STX12: variants seen among roughly 807,000 people sequenced by gnomAD.
STX12 encodes the protein syntaxin 12, also known as syntaxin-12.
In STX12, 17 loss-of-function variants were observed where a neutral mutation model predicts 42.2. The ratio of observed to expected loss-of-function variants is 0.40; its 90% CI spans 0.28 to 0.60. The LOEUF is 0.60. Among genes scored for constraint, STX12 ranks in the 20% least tolerant of loss-of-function variants. The pLI, the probability that STX12 is intolerant of heterozygous loss-of-function variation, is 0.39. For synonymous variants in STX12, 108 were observed against 116.7 expected (o/e 0.93, Z 0.48); for missense variants, 297 against 330.9 (o/e 0.90, Z 0.79).
Position 27,822,271 on chromosome 1 carries a change from T to C in STX12, c.773T>C (p.Leu258Pro). Residue 258 changes from leucine (L) to proline (P), a missense_variant, in exon 9 of 9, where the codon CTG (leucine) becomes CCG (proline). Transcript: ENST00000373943. ...RKKMCILVLV[L>P]SVIILILGLI... ...AAGATGTGTATCCTGGTGCTTGTCC[T>C]GTCAGTGATTATTCTAATCTTGGGA... 6.2e-7 allele frequency: 1 copy of C among 1,613,868 alleles called. No homozygotes were observed. The highest frequency in any genetic ancestry group is 1.1e-5 in the South Asian group (1 of 91,072).
chr1:27,780,085 C>T (rs2088657649), intron 1 of STX12, among the ~76,000 whole-genome samples: 1 of 151,756 alleles, frequency 6.6e-6, no homozygotes, highest in Non-Finnish European at 1.5e-5. Flanking sequence ...GTCACTGCGT[C>T]CGCCCTTTGG....
chr1:27,774,631 T>C (rs949949687), intron 1 of STX12, among the ~76,000 whole-genome samples: 1 of 152,158 alleles, frequency 6.6e-6, no homozygotes, highest in African/African-American at 2.4e-5. Flanking sequence ...AGTGCTGGGA[T>C]TACAGGCGTG....
intron 6 of STX12, among the ~76,000 whole-genome samples, chr1:27,812,854 A>G (rs1403183063): frequency 6.6e-6 from 1 of 152,160 alleles, no homozygotes; most frequent in Non-Finnish European, 1.5e-5. Context: ...AGAAATGTAC[A>G]TGGAGAACAG....
At position 27,817,236 on chromosome 1, in the gene STX12, T is replaced by C. The variant is rs547759152; in HGVS notation, c.577-615T>C. Among the ~76,000 whole-genome samples, 51 of 152,338 alleles carry C rather than the reference T, an allele frequency of 3.3e-4. 1 individual carries two copies. Among genetic ancestry groups the C allele is most frequent in the African/African-American group, 1.2e-3 (49 of 41,578 alleles). On this transcript the variant is annotated intron_variant, in intron 6 of 8. Transcript: ENST00000373943. ...TGAGCTGATTTGTGTTTACCTTCTT[T>C]GATCAGAGCAGTAAATAGGTTGTAG...
In STX12 at chr1:27,797,249, G is replaced by T. The variant is rs1236232441; in HGVS notation, c.288+3617G>T. On this transcript the variant is annotated intron_variant, in intron 3 of 8. Coordinates refer to ENST00000373943, the MANE Select transcript of STX12 (RefSeq NM_177424.3). ...TTTTTGTATTATTAGCAGAGACAGG[G>T]TTTTGCCACGTTGGCCAGGTTGGTC... Among the ~76,000 whole-genome samples, 18 of 152,244 alleles carry T rather than the reference G, an allele frequency of 1.2e-4. 1 individual carries two copies. In the South Asian group the frequency reaches 3.7e-3, roughly 32 times the overall value.
chr1:27,793,510 G>A lies in STX12; in HGVS notation c.189-23G>A, dbSNP rs561014809. 9.1e-5 allele frequency: 146 copies of A among 1,604,450 alleles called. 1 individual carries two copies. Among genetic ancestry groups the A allele is most frequent in the Non-Finnish European group, 1.2e-4 (142 of 1,171,592 alleles). On this transcript the variant is annotated intron_variant, in intron 2 of 8. Coordinates refer to ENST00000373943, the MANE Select transcript of STX12 (RefSeq NM_177424.3). ...CCCTCTCAAGAAGTGACAACATCCT[G>A]AAACATATCTTTTCTCTCTTAGGCA... is the stretch of plus-strand genomic sequence containing the variant.
chr1:27,781,871 G>A (rs2088669935), intron 1 of STX12, among the ~76,000 whole-genome samples: 1 of 151,998 alleles, frequency 6.6e-6, no homozygotes, highest in Non-Finnish European at 1.5e-5. Context: ...ATTTTTCTTG[G>A]TCTTGAGTTT....
chr1:27,793,994 G>GTT (rs57655012), intron 3 of STX12, among the ~76,000 whole-genome samples: 6,039 of 142,844 alleles, frequency 0.042, 417 homozygotes, highest in African/African-American at 0.15. Context: ...CTTTCTCCTA[G>GTT]TTTTTTTTTT....
At chr1:27,778,350 T>C (rs948086237) in intron 1 of STX12, among the ~76,000 whole-genome samples, 10 of 152,150 alleles carry the variant, frequency 6.6e-5, no homozygotes, top group Admixed American at 4.6e-4. Flanking sequence ...GAGGCAGATA[T>C]AGCTGAAAAC....
At chr1:27,791,031 TG>T (rs2088736887) in intron 2 of STX12, among the ~76,000 whole-genome samples, 1 of 151,274 alleles carries the variant, frequency 6.6e-6, no homozygotes, top group Non-Finnish European at 1.5e-5. Flanking sequence ...GAGGCTGAGG[TG>T]GGCAGATCAC....
intron 2 of STX12, among the ~76,000 whole-genome samples, chr1:27,791,856 C>T (rs367764805): frequency 6.6e-5 from 10 of 150,444 alleles, no homozygotes; most frequent in Admixed American, 5.3e-4. Context: ...TGGTGGCTTG[C>T]GCCTGTAGTC....
intron 4 of STX12, among the ~76,000 whole-genome samples, chr1:27,802,972 C>T (rs1322747163): frequency 6.6e-6 from 1 of 152,034 alleles, no homozygotes; most frequent in Non-Finnish European, 1.5e-5. Flanking sequence ...AATTTAAAAA[C>T]TTAGTGGATG....
chr1:27,795,007 G>C (rs1409338434), intron 3 of STX12, among the ~76,000 whole-genome samples: 1 of 152,150 alleles, frequency 6.6e-6, no homozygotes, highest in East Asian at 1.9e-4. Context: ...ATAGACATGA[G>C]CCACTGTGCC....
At chr1:27,779,115 GT>G (rs1328635832) in intron 1 of STX12, among the ~76,000 whole-genome samples, 1 of 152,016 alleles carries the variant, frequency 6.6e-6, no homozygotes, top group Non-Finnish European at 1.5e-5. Context: ...TATTTTTTAT[GT>G]TTCTTTGCTA....
At chr1:27,801,551 G>A (rs2088828685) in intron 3 of STX12, 127 bp from the exon 4 acceptor site, 2 of 982,124 alleles carry the variant, frequency 2.0e-6, no homozygotes, top group Non-Finnish European at 2.7e-6. Flanking sequence ...ATTTAAAGAA[G>A]AGACTATTTC....
intron 1 of STX12, among the ~76,000 whole-genome samples, chr1:27,786,168 C>T (rs975616542): frequency 6.6e-6 from 1 of 152,150 alleles, no homozygotes. Context: ...TTGCAAGGCC[C>T]TATACAATCT....
chr1:27,786,867 C>G (rs112055879), intron 1 of STX12, among the ~76,000 whole-genome samples: 4 of 152,256 alleles, frequency 2.6e-5, no homozygotes, highest in African/African-American at 9.6e-5. Context: ...CAGTTAATAG[C>G]TTTAGTTGTA....
At chr1:27,818,183 C>T in intron 7 of STX12, 1 of 359,346 alleles carries the variant, frequency 2.8e-6, no homozygotes, top group South Asian at 3.5e-5. Flanking sequence ...GAGATGGAGA[C>T]CATCCTGGCT....
chr1:27,822,004 T>G (rs2088987778), intron 8 of STX12, among the ~76,000 whole-genome samples: 1 of 151,492 alleles, frequency 6.6e-6, no homozygotes, highest in Non-Finnish European at 1.5e-5. Flanking sequence ...GGTGACGGAG[T>G]GAGACTCTGT....
Sources: allele counts gnomAD v4.1 joint callset (sites outside exome capture counted in the v4.1 genomes callset), GRCh38; gene constraint gnomAD v4.1.1; transcripts MANE v1.5; gene names NCBI Gene and HGNC (gene_info 2026-07-23, HGNC 2026-07-21).